CLMP: variants seen among roughly 807,000 people sequenced by gnomAD.
The protein encoded by CLMP is CXADR-like membrane protein.
In CLMP, 27 loss-of-function variants were observed where a neutral mutation model predicts 45.2. The observed-to-expected ratio is 0.60, with a 90% CI of 0.44 to 0.82. The LOEUF (loss-of-function observed/expected upper bound fraction) is 0.82, where lower values mean the gene tolerates loss of function less well. Among genes scored for constraint, CLMP ranks in the 40% least tolerant of loss-of-function variants. The pLI is 0.00. For missense variants in CLMP, 403 were observed against 448.4 expected, an observed-to-expected ratio of 0.90 and a Z score of 0.91; for synonymous variants, 167 against 171.4, an observed-to-expected ratio of 0.97 and a Z score of 0.20.
chr11:123,117,278 C>T (rs952865674), intron 1 of CLMP, among the ~76,000 whole-genome samples: 16 of 151,848 alleles, frequency 1.1e-4, no homozygotes, highest in Non-Finnish European at 2.2e-4. Context: ...TCCTACAAAG[C>T]AAAATTTTGC....
At chr11:123,171,779 G>A (rs907557849) in intron 1 of CLMP, among the ~76,000 whole-genome samples, 4 of 152,076 alleles carry the variant, frequency 2.6e-5, no homozygotes, top group Admixed American at 6.5e-5. Context: ...AAGCAAGAGA[G>A]AAAGCCATTT....
chr11:123,194,369 C>CTTCCCCT (rs371452902), intron 1 of CLMP, among the ~76,000 whole-genome samples: 5,501 of 151,892 alleles, frequency 0.036, 306 homozygotes, highest in African/African-American at 0.12. Flanking sequence ...CTTCCCAACC[C>CTTCCCCT]TTCCCCTTTC....
At chr11:123,133,018 C>G (rs1292770744) in intron 1 of CLMP, among the ~76,000 whole-genome samples, 1 of 152,138 alleles carries the variant, frequency 6.6e-6, no homozygotes, top group African/African-American at 2.4e-5. Flanking sequence ...ATCTGCCTGC[C>G]TCGGCCTCCC....
chr11:123,148,877 T>A (rs2135523106), intron 1 of CLMP, among the ~76,000 whole-genome samples: 1 of 152,212 alleles, frequency 6.6e-6, no homozygotes, highest in East Asian at 1.9e-4. Flanking sequence ...GTCTAGGGTG[T>A]GCCTAATGCC....
chr11:123,118,982 T>C (rs1860764374), intron 1 of CLMP, among the ~76,000 whole-genome samples: 1 of 55,100 alleles, frequency 1.8e-5, no homozygotes, highest in Non-Finnish European at 3.4e-5. Flanking sequence ...TCTTTCTTTC[T>C]TTCTTTCTTT....
chr11:123,165,514 G>C (rs1473605638), intron 1 of CLMP, among the ~76,000 whole-genome samples: 1 of 152,098 alleles, frequency 6.6e-6, no homozygotes, highest in East Asian at 1.9e-4. Flanking sequence ...CCCTCTCATA[G>C]TTAACAAGGA....
intron 1 of CLMP, among the ~76,000 whole-genome samples, chr11:123,112,742 C>T (rs1860656926): frequency 6.6e-6 from 1 of 151,070 alleles, no homozygotes; most frequent in Non-Finnish European, 1.5e-5. Flanking sequence ...AAAACGGTTC[C>T]AAGATCTTGA....
intron 1 of CLMP, among the ~76,000 whole-genome samples, chr11:123,107,815 T>G (rs1860581841): frequency 2.0e-5 from 3 of 151,310 alleles, no homozygotes. Flanking sequence ...TTTTTTTTTG[T>G]TGTACCAGTT....
At chr11:123,085,699 C>T (rs950285044) in intron 2 of CLMP, among the ~76,000 whole-genome samples, 1 of 151,026 alleles carries the variant, frequency 6.6e-6, no homozygotes, top group African/African-American at 2.4e-5. Context: ...TACCCCTCTG[C>T]ACACATGAGA....
intron 1 of CLMP, among the ~76,000 whole-genome samples, chr11:123,181,126 G>A (rs1861763329): frequency 6.6e-6 from 1 of 152,188 alleles, no homozygotes; most frequent in Non-Finnish European, 1.5e-5. Flanking sequence ...CTCTATAGCA[G>A]AGAGGGAACC....
intron 1 of CLMP, among the ~76,000 whole-genome samples, chr11:123,160,561 A>G (rs1242467686): frequency 2.6e-5 from 4 of 152,328 alleles, no homozygotes; most frequent in African/African-American, 9.6e-5. Context: ...GATTGGCTCA[A>G]GTTAGAGACA....
chr11:123,097,701 T>C (rs1267482833), intron 2 of CLMP, 94 bp downstream of exon 2: 43 of 995,654 alleles, frequency 4.3e-5, no homozygotes, highest in Non-Finnish European at 6.3e-5. Context: ...GAACTCCAGC[T>C]CTTTCAGAGC....
intron 1 of CLMP, among the ~76,000 whole-genome samples, chr11:123,125,491 T>TCCCTCCTC (rs1565390018): frequency 1.2e-4 from 9 of 76,836 alleles, no homozygotes; most frequent in Admixed American, 3.0e-4. Context: ...CCTCCCTCCT[T>TCCCTCCTC]CCTCCCTTCT....
chr11:123,091,637 C>T (rs1373919422), intron 2 of CLMP, among the ~76,000 whole-genome samples: 1 of 152,148 alleles, frequency 6.6e-6, no homozygotes, highest in Non-Finnish European at 1.5e-5. Flanking sequence ...ATATTTCTAG[C>T]TTTGATGTCT....
intron 1 of CLMP, among the ~76,000 whole-genome samples, chr11:123,120,767 T>C (rs1025809038): frequency 1.3e-5 from 2 of 152,178 alleles, no homozygotes; most frequent in Admixed American, 6.6e-5. Flanking sequence ...CCTTGCATAG[T>C]CTTTGTTTCT....
At chr11:123,167,564 C>T (rs1288446218) in intron 1 of CLMP, among the ~76,000 whole-genome samples, 5 of 151,914 alleles carry the variant, frequency 3.3e-5, no homozygotes, top group African/African-American at 7.3e-5. Flanking sequence ...GGATTACAGG[C>T]ATGAGCCACC....
At position 123,190,001 on chromosome 11, in the gene CLMP, C is replaced by CA. The variant is rs10594946; in HGVS notation, c.28+4911dup. On this transcript the variant is annotated intron_variant, in intron 1 of 6. Coordinates refer to ENST00000448775, the MANE Select transcript of CLMP (RefSeq NM_024769.5). ...TAGGTGACAGAACAAGACTCTGTCT[C>CA]AAAAAAAAAAAAAAAAAAAAAACAA... 5.6e-3 allele frequency among the ~76,000 whole-genome samples: 726 copies of CA among 129,360 alleles called. 4 individuals are homozygous for CA. The highest frequency in any genetic ancestry group is 0.016 in the South Asian group (66 of 4,230). 84.9% of individuals were successfully genotyped at this position (129,360 alleles called of 152,430 possible).
intron 2 of CLMP, among the ~76,000 whole-genome samples, chr11:123,095,885 A>C (rs1337777157): frequency 6.6e-6 from 1 of 152,200 alleles, no homozygotes; most frequent in Non-Finnish European, 1.5e-5. Context: ...CAGAGAGGGA[A>C]GTCCAAGATT....
chr11:123,075,223 G>A (rs1357425271), intron 5 of CLMP, among the ~76,000 whole-genome samples: 1 of 151,856 alleles, frequency 6.6e-6, no homozygotes, highest in Non-Finnish European at 1.5e-5. Context: ...GAAAGTGCTG[G>A]GATTACAGGC....
Sources: gnomAD v4.1 joint callset for allele counts (sites outside exome capture counted in the v4.1 genomes callset) on GRCh38, gnomAD v4.1.1 for gene constraint, MANE v1.5 for transcripts, NCBI Gene and HGNC (gene_info 2026-07-23, HGNC 2026-07-21) for gene names.